GRM3: variants seen among roughly 807,000 people sequenced by gnomAD.
The protein encoded by GRM3 is glutamate metabotropic receptor 3.
GRM3 carries 26 observed loss-of-function variants against 70.5 expected under a neutral mutation model. The observed-to-expected ratio is 0.37, with a 90% CI of 0.27 to 0.51. GRM3 has a LOEUF of 0.51. Ranked by LOEUF, GRM3 falls within the 20% of genes least tolerant of loss-of-function variation. The probability of loss-of-function intolerance (pLI) is 0.93; values close to 1 mark genes in which losing one functional copy is unlikely to be tolerated. For missense variants in GRM3, 859 were observed against 1,123.8 expected, an observed-to-expected ratio of 0.76 and a Z score of 3.37; for synonymous variants, 443 against 434.9, an observed-to-expected ratio of 1.02 and a Z score of -0.23.
intron 1 of GRM3, among the ~76,000 whole-genome samples, chr7:86,735,076 G>A (rs1271699906): frequency 2.0e-5 from 3 of 152,160 alleles, no homozygotes; most frequent in Non-Finnish European, 4.4e-5. Context: ...CTGGATAAAA[G>A]TTTAAATGTG....
intron 3 of GRM3, among the ~76,000 whole-genome samples, chr7:86,804,646 G>A (rs1027482338): frequency 2.0e-5 from 3 of 152,130 alleles, no homozygotes; most frequent in African/African-American, 7.2e-5. Flanking sequence ...CCTGATCTCA[G>A]ATGATCCGCC....
intron 1 of GRM3, 49 bp downstream of exon 1, chr7:86,644,921 G>A (rs1189280293): frequency 1.8e-6 from 2 of 1,120,852 alleles, no homozygotes; most frequent in South Asian, 1.3e-5. Flanking sequence ...GCCCAGCCAG[G>A]GCGCGGAAGC....
chr7:86,796,863 G>A (rs1373691240), intron 3 of GRM3, among the ~76,000 whole-genome samples: 3 of 152,068 alleles, frequency 2.0e-5, no homozygotes, highest in Non-Finnish European at 4.4e-5. Context: ...GAATCATGGG[G>A]GCAGGTCTTT....
At chr7:86,801,094 A>G (rs1797672560) in intron 3 of GRM3, among the ~76,000 whole-genome samples, 1 of 120,748 alleles carries the variant, frequency 8.3e-6, no homozygotes, top group African/African-American at 3.4e-5. Flanking sequence ...TTTTTGAGAC[A>G]CAGTCTTGCC....
intron 1 of GRM3, among the ~76,000 whole-genome samples, chr7:86,647,851 T>G (rs1192348476): frequency 2.0e-5 from 3 of 152,220 alleles, no homozygotes; most frequent in Non-Finnish European, 2.9e-5. Context: ...TTGGAGTACT[T>G]CAGTCCAGTC....
At chr7:86,864,008 T>C (rs1420290873) in intron 5 of GRM3, among the ~76,000 whole-genome samples, 2 of 152,162 alleles carry the variant, frequency 1.3e-5, no homozygotes, top group Non-Finnish European at 2.9e-5. Context: ...GTTTTTAATT[T>C]AATTTTATTT....
chr7:86,801,283 C>A (rs1797677625), intron 3 of GRM3, among the ~76,000 whole-genome samples: 2 of 152,014 alleles, frequency 1.3e-5, no homozygotes, highest in Admixed American at 6.6e-5. Context: ...GTTGGCCAGG[C>A]TGATCTTGAA....
intron 1 of GRM3, among the ~76,000 whole-genome samples, chr7:86,740,963 G>T (rs1486720004): frequency 6.6e-6 from 1 of 152,092 alleles, no homozygotes; most frequent in African/African-American, 2.4e-5. Context: ...TTCAACCTTT[G>T]CAGGCAGATG....
chr7:86,804,340 C>CTGCTAATAT (rs1342924754), intron 3 of GRM3, among the ~76,000 whole-genome samples: 5 of 152,212 alleles, frequency 3.3e-5, no homozygotes, highest in African/African-American at 9.7e-5. Flanking sequence ...CAAGATTCAT[C>CTGCTAATAT]TGCTAATATT....
intron 1 of GRM3, among the ~76,000 whole-genome samples, chr7:86,657,173 A>T (rs1382720679): frequency 6.6e-6 from 1 of 152,212 alleles, no homozygotes; most frequent in Non-Finnish European, 1.5e-5. Flanking sequence ...TAATGACATA[A>T]ATCTTTAATG....
intron 4 of GRM3, among the ~76,000 whole-genome samples, chr7:86,849,125 G>T (rs1205508150): frequency 6.6e-6 from 1 of 152,092 alleles, no homozygotes; most frequent in African/African-American, 2.4e-5. Context: ...CTTCACACTG[G>T]CTTCAGAGTC....
intron 3 of GRM3, among the ~76,000 whole-genome samples, chr7:86,835,309 A>G (rs1798434664): frequency 6.6e-6 from 1 of 152,134 alleles, no homozygotes; most frequent in Admixed American, 6.6e-5. Flanking sequence ...GAGAAAAAAA[A>G]TGAATTGAAA....
intron 1 of GRM3, among the ~76,000 whole-genome samples, chr7:86,743,642 C>T (rs924113857): frequency 5.9e-5 from 9 of 151,994 alleles, no homozygotes; most frequent in African/African-American, 1.9e-4. Flanking sequence ...TCTAGAGTGT[C>T]CTGTATTGAT....
Position 86,864,781 on chromosome 7 carries a change from T to A in GRM3, c.*426T>A, listed in dbSNP as rs1799032239. ...TGAGTTTCTATGTTGTATATTAAAG[T>A]TACATTATGTGTAACAGATTGATTT... On this transcript the variant is annotated 3_prime_UTR_variant, in exon 6 of 6. Coordinates refer to ENST00000361669, the MANE Select transcript of GRM3 (RefSeq NM_000840.3). The A allele has an allele frequency of 6.4e-6, 1 of 155,518 alleles. No homozygotes were observed. The highest frequency in any genetic ancestry group is 1.4e-5 in the Non-Finnish European group (1 of 69,794). The allele number at this position is 155,518 out of a possible 1,614,324, so 9.6% of individuals were successfully genotyped here. A position where few individuals can be genotyped will look rare whatever the true frequency, so the allele number is the denominator to read the frequency against.
At chr7:86,708,839 T>C (rs1391703803) in intron 1 of GRM3, among the ~76,000 whole-genome samples, 2 of 152,032 alleles carry the variant, frequency 1.3e-5, no homozygotes, top group Non-Finnish European at 2.9e-5. Flanking sequence ...TTTAAAATAT[T>C]GAGCAACTAG....
chr7:86,708,688 T>C (rs1258798304), intron 1 of GRM3, among the ~76,000 whole-genome samples: 1 of 152,046 alleles, frequency 6.6e-6, no homozygotes, highest in Admixed American at 6.6e-5. Flanking sequence ...ATTGGAAGAA[T>C]AGAGCTAAAG....
intron 1 of GRM3, among the ~76,000 whole-genome samples, chr7:86,706,394 A>C (rs1562832401): frequency 6.6e-6 from 1 of 152,088 alleles, no homozygotes; most frequent in Non-Finnish European, 1.5e-5. Context: ...TACAATCTAA[A>C]AGAACAGAGA....
chr7:86,788,379 C>A (rs987156528), intron 3 of GRM3, among the ~76,000 whole-genome samples: 1 of 152,184 alleles, frequency 6.6e-6, no homozygotes, highest in African/African-American at 2.4e-5. Context: ...AATCACCACA[C>A]TGCATGTTGC....
At chr7:86,856,514 C>T (rs1798850535) in intron 5 of GRM3, among the ~76,000 whole-genome samples, 1 of 151,302 alleles carries the variant, frequency 6.6e-6, no homozygotes, top group African/African-American at 2.4e-5. Flanking sequence ...CTTATTTCAT[C>T]ACTTGAAATC....
Sources: gnomAD v4.1 joint callset for allele counts (sites outside exome capture counted in the v4.1 genomes callset) on GRCh38, gnomAD v4.1.1 for gene constraint, MANE v1.5 for transcripts, NCBI Gene and HGNC (gene_info 2026-07-23, HGNC 2026-07-21) for gene names.